The following EVL variants were observed in gnomAD, a reference collection of about 807,000 sequenced individuals.
EVL encodes Enah/Vasp-like.
Under a neutral mutation model 59.6 loss-of-function variants are expected in EVL, and 21 were observed. The observed-to-expected ratio is 0.35, with a 90% CI of 0.25 to 0.51. The LOEUF (loss-of-function observed/expected upper bound fraction) is 0.51. EVL is among the 20% of genes least tolerant of loss of function. The probability of loss-of-function intolerance (pLI) is 0.97; values close to 1 mark genes in which losing one functional copy is unlikely to be tolerated. For synonymous variants in EVL, 198 were observed against 203.5 expected (o/e 0.97, Z 0.23); for missense variants, 462 against 546.6 (o/e 0.85, Z 1.54).
chr14:100,016,100 A>T (rs1338824917), intron 1 of EVL, among the ~76,000 whole-genome samples: 1 of 151,474 alleles, frequency 6.6e-6, no homozygotes, highest in African/African-American at 2.4e-5. Context: ...AAAAAAATTA[A>T]TTATTTATTA....
intron 1 of EVL, among the ~76,000 whole-genome samples, chr14:99,997,986 C>G (rs1263821420): frequency 3.9e-5 from 6 of 152,056 alleles, no homozygotes; most frequent in Non-Finnish European, 8.8e-5. Flanking sequence ...TTCCTTCATT[C>G]ATTCAACAAC....
intron 1 of EVL, among the ~76,000 whole-genome samples, chr14:100,053,505 T>C (rs2061679047): frequency 6.6e-6 from 1 of 151,954 alleles, no homozygotes; most frequent in African/African-American, 2.4e-5. Context: ...AGTAACACCC[T>C]ATACGTATAC....
rs377134346 is a variant in EVL, at chr14:100,128,782, C to A, written c.717+34C>A. The A allele has an allele frequency of 1.0e-5, 16 of 1,561,622 alleles. No homozygotes were observed. In the African/African-American group the frequency reaches 2.0e-4, roughly 20 times the overall value. ...TCCTGTGTGCGGGGTGGGAATGGGA[C>A]CGAGGGGACCCTTGTGCCATCTGCA... is the stretch of plus-strand genomic sequence containing the variant. On this transcript the variant is annotated intron_variant, in intron 6 of 13. Transcript: ENST00000392920.
At chr14:100,033,074 G>A (rs1218682875) in intron 1 of EVL, among the ~76,000 whole-genome samples, 1 of 152,150 alleles carries the variant, frequency 6.6e-6, no homozygotes, top group Admixed American at 6.5e-5. Flanking sequence ...TTTGATGGAA[G>A]TGCTGAATCC....
At chr14:99,978,515 T>A (rs1227744410) in intron 1 of EVL, among the ~76,000 whole-genome samples, 1 of 152,216 alleles carries the variant, frequency 6.6e-6, no homozygotes, top group East Asian at 1.9e-4. Context: ...CACAGATTTT[T>A]AAAATTGCTA....
Position 100,135,885 on chromosome 14 carries a change from T to A in EVL, c.901-20T>A, listed in dbSNP as rs1735389757. The stretch of plus-strand genomic sequence containing the variant: ...CCCCAGGTGGCCTTCCTAAACAGAC[T>A]CCCTTCTTCTCCATTTTAGGAAGAT... On this transcript the variant is annotated intron_variant, in intron 8 of 13. Coordinates refer to ENST00000392920, the MANE Select transcript of EVL (RefSeq NM_016337.3). 6.2e-7 allele frequency: 1 copy of A among 1,613,730 alleles called. No individual in the cohort carries two copies. Among genetic ancestry groups the A allele is most frequent in the Non-Finnish European group, 8.5e-7 (1 of 1,179,776 alleles).
intron 2 of EVL, among the ~76,000 whole-genome samples, chr14:100,087,494 AG>A (rs2062471908): frequency 6.6e-6 from 1 of 152,150 alleles, no homozygotes; most frequent in African/African-American, 2.4e-5. Context: ...GCATGCCTGT[AG>A]TCCCAGCTAC....
intron 1 of EVL, among the ~76,000 whole-genome samples, chr14:99,991,081 G>GC (rs1337213665): frequency 6.6e-6 from 1 of 152,034 alleles, no homozygotes; most frequent in Non-Finnish European, 1.5e-5. Context: ...GAGATGAACT[G>GC]CCACCCCCTG....
In EVL at chr14:99,972,279, T is replaced by C. The variant is rs1174577422; in HGVS notation, c.5+222T>C. On this transcript the variant is annotated intron_variant, in intron 1 of 13. Coordinates refer to the EVL transcript ENST00000402714. This position sits in a 1 kb window ranked among gnomAD's most constrained non-coding sequence, Gnocchi z 4.4. ...GGAGAGCCGGGAGGGTCTGCAGGGC[T>C]TGTGGGGGGCAGTGTTCTGCAAGGG... Among the ~76,000 whole-genome samples the C allele has an allele frequency of 6.6e-6, 1 of 151,746 alleles. No individual in the cohort carries two copies. The highest frequency in any genetic ancestry group is 1.5e-5 in the Non-Finnish European group (1 of 67,886).
At chr14:100,101,258 G>A (rs545322000) in intron 3 of EVL, among the ~76,000 whole-genome samples, 3 of 152,184 alleles carry the variant, frequency 2.0e-5, no homozygotes, top group Non-Finnish European at 2.9e-5. Context: ...GCCAAGGCAG[G>A]CAGATCACCT....
intron 1 of EVL, among the ~76,000 whole-genome samples, chr14:100,006,518 C>G (rs1241678019): frequency 1.3e-5 from 2 of 151,910 alleles, no homozygotes; most frequent in Non-Finnish European, 2.9e-5. Flanking sequence ...AACTCCTGAC[C>G]TCAAGTGATC....
At chr14:100,055,575 A>G (rs1188158943) in intron 1 of EVL, among the ~76,000 whole-genome samples, 2 of 152,214 alleles carry the variant, frequency 1.3e-5, no homozygotes, top group Non-Finnish European at 1.5e-5. Flanking sequence ...TATAGACTGA[A>G]AAGTAAGGTT....
upstream of EVL, among the ~76,000 whole-genome samples, chr14:100,061,403 C>CAAA (rs56656380): frequency 0.011 from 218 of 19,102 alleles, 17 homozygotes; most frequent in Admixed American, 0.015. Flanking sequence ...GACCCTGTCT[C>CAAA]AAAAAAAAAA....
intron 1 of EVL, among the ~76,000 whole-genome samples, chr14:100,058,785 C>T (rs2061774793): frequency 6.6e-6 from 1 of 152,120 alleles, no homozygotes; most frequent in Non-Finnish European, 1.5e-5. Context: ...AGAAAGCTTG[C>T]CACATTTTTT....
In EVL at chr14:100,006,213, G is replaced by C. The variant is rs569924154; in HGVS notation, c.5+34156G>C. ...GACAAAACAGTCAAGCAAAACAAAC[G>C]ATGGCACAACTTATACAATTACTGA... is the stretch of plus-strand genomic sequence containing the variant. On this transcript the variant is annotated intron_variant, in intron 1 of 13. Transcript: ENST00000402714. 2.7e-5 allele frequency among the ~76,000 whole-genome samples: 4 copies of C among 150,322 alleles called. No homozygotes were observed. In the East Asian group the frequency reaches 7.8e-4, roughly 29 times the overall value.
intron 8 of EVL, among the ~76,000 whole-genome samples, chr14:100,133,277 G>A (rs1222710387): frequency 6.6e-6 from 1 of 152,248 alleles, no homozygotes; most frequent in Non-Finnish European, 1.5e-5. Flanking sequence ...GCAGCCCAGA[G>A]CCAGCCTGGC....
chr14:100,096,161 T>C (rs761564111), intron 2 of EVL, among the ~76,000 whole-genome samples: 4 of 152,204 alleles, frequency 2.6e-5, no homozygotes, highest in Non-Finnish European at 4.4e-5. Context: ...ATGTCACTCA[T>C]GTTTGCTGTC....
At chr14:100,095,012 G>C (rs1253667633) in intron 2 of EVL, among the ~76,000 whole-genome samples, 1 of 152,210 alleles carries the variant, frequency 6.6e-6, no homozygotes, top group Non-Finnish European at 1.5e-5. Flanking sequence ...CTGCACTCCA[G>C]CCTGGGTGAC....
chr14:99,987,290 T>C (rs1429776951), intron 1 of EVL, among the ~76,000 whole-genome samples: 1 of 152,194 alleles, frequency 6.6e-6, no homozygotes, highest in Non-Finnish European at 1.5e-5. Flanking sequence ...GTGGGGCCTT[T>C]GGAATATGAT....
Sources: gnomAD v4.1 joint callset for allele counts (sites outside exome capture counted in the v4.1 genomes callset) on GRCh38, gnomAD v4.1.1 for gene constraint, Gnocchi (gnomAD v3.1) non-coding constraint, MANE v1.5 for transcripts, NCBI Gene and HGNC (gene_info 2026-07-23, HGNC 2026-07-21) for gene names.